The following SPAM1 variants were observed in gnomAD, a reference collection of about 807,000 sequenced individuals.
SPAM1 encodes hyaluronidase PH-20.
In SPAM1, 22 loss-of-function variants were observed where a neutral mutation model predicts 29.6. That is an observed-to-expected ratio of 0.74 (90% CI 0.53 to 1.06). The LOEUF (loss-of-function observed/expected upper bound fraction) is 1.06. Ranked by LOEUF, SPAM1 falls within the 50% of genes least tolerant of loss-of-function variation. The pLI, the probability that SPAM1 is intolerant of heterozygous loss-of-function variation, is 0.00. For synonymous variants in SPAM1, 194 were observed against 204.6 expected (o/e 0.95, Z 0.44); for missense variants, 534 against 604.0 (o/e 0.88, Z 1.21).
At chr7:123,937,918 G>C (rs1252447716) in intron 1 of SPAM1, among the ~76,000 whole-genome samples, 1 of 152,156 alleles carries the variant, frequency 6.6e-6, no homozygotes, top group Non-Finnish European at 1.5e-5. Context: ...CAGAAAAAAA[G>C]TCATTGTCAA....
chr7:123,926,838 G>A (rs1807902386), intron 1 of SPAM1, among the ~76,000 whole-genome samples: 1 of 152,290 alleles, frequency 6.6e-6, no homozygotes, highest in South Asian at 2.1e-4. Context: ...TTATTGTGCA[G>A]AGGAAGCTCT....
At chr7:123,958,251 G>A (rs1300673192) in intron 4 of SPAM1, among the ~76,000 whole-genome samples, 1 of 151,914 alleles carries the variant, frequency 6.6e-6, no homozygotes, top group Non-Finnish European at 1.5e-5. Context: ...TAAAGTATTA[G>A]CACAACCACC....
At chr7:123,928,450 C>A (rs1436557074) in intron 1 of SPAM1, among the ~76,000 whole-genome samples, 2 of 152,128 alleles carry the variant, frequency 1.3e-5, no homozygotes, top group Non-Finnish European at 2.9e-5. Context: ...ACATAACAAA[C>A]CTCTGCCTAA....
intron 1 of SPAM1, among the ~76,000 whole-genome samples, chr7:123,935,927 T>A (rs190563628): frequency 3.8e-4 from 58 of 152,312 alleles, no homozygotes; most frequent in African/African-American, 1.2e-3. Flanking sequence ...GGGTTTTTTT[T>A]AAAGGCTTAT....
At chr7:123,930,085 AT>A (rs1246857064) in intron 1 of SPAM1, among the ~76,000 whole-genome samples, 1 of 151,912 alleles carries the variant, frequency 6.6e-6, no homozygotes, top group Non-Finnish European at 1.5e-5. Context: ...GTAGATGTGG[AT>A]TTTTAACTTT....
At chr7:123,958,493 G>A (rs758622893) in intron 4 of SPAM1, among the ~76,000 whole-genome samples, 2 of 151,846 alleles carry the variant, frequency 1.3e-5, no homozygotes, top group Admixed American at 6.6e-5. Flanking sequence ...TAATGTATTC[G>A]AGCCAGCAAT....
chr7:123,949,065 C>T (rs1384187119), intron 1 of SPAM1, among the ~76,000 whole-genome samples: 2 of 150,344 alleles, frequency 1.3e-5, no homozygotes, highest in African/African-American at 4.9e-5. Flanking sequence ...CTTAAATATA[C>T]TCAGTAAAAT....
intron 2 of SPAM1, among the ~76,000 whole-genome samples, chr7:123,951,871 C>T (rs902140437): frequency 6.6e-6 from 1 of 152,150 alleles, no homozygotes; most frequent in Admixed American, 6.5e-5. Flanking sequence ...ATCCACCTGC[C>T]TTGGCCTTCC....
intron 1 of SPAM1, among the ~76,000 whole-genome samples, chr7:123,937,596 C>CAAAAA (rs5887154): frequency 7.0e-5 from 6 of 85,850 alleles, no homozygotes; most frequent in Non-Finnish European, 9.0e-5. Context: ...GACTCCATCT[C>CAAAAA]AAAAAAAAAA....
chr7:123,931,545 C>T (rs925105251), intron 1 of SPAM1, among the ~76,000 whole-genome samples: 3 of 152,138 alleles, frequency 2.0e-5, no homozygotes, highest in African/African-American at 7.2e-5. Flanking sequence ...CCTTTTTGTC[C>T]AGTCATATTT....
Position 123,954,158 on chromosome 7 carries a change from G to A in SPAM1, c.588G>A (p.Gly196=), listed in dbSNP as rs1300101956. 2.5e-6 allele frequency: 4 copies of A among 1,613,110 alleles called. No individual in the cohort carries two copies. Among genetic ancestry groups the A allele is most frequent in the Non-Finnish European group, 3.4e-6 (4 of 1,179,598 alleles). The change falls in exon 3 of 5, where the codon GGG becomes GGA. Residue 196 remains glycine (G), a synonymous_variant. Transcript: ENST00000682466. ...CAAAACAAGAATTTGAAAAGGCAGGGAAGGATTTCCTGGTAGAGACTATAA... is the reference window on the plus strand; with the variant it reads ...CAAAACAAGAATTTGAAAAGGCAGGAAAGGATTTCCTGGTAGAGACTATAA... ...EKAKQEFEKA[G]KDFLVETIKL...
chr7:123,959,508 T>A lies in SPAM1; in HGVS notation c.1069T>A (p.Tyr357Asn). 1 of 1,607,352 alleles carries A rather than the reference T, an allele frequency of 6.2e-7. No individual in the cohort carries two copies. The highest frequency in any genetic ancestry group is 1.7e-5 in the Admixed American group (1 of 59,088). ...GAAATCTTGCTTGCTCCTAGACAAT[T>A]ACATGGAGACTATACTGAATCCTTA... is the stretch of plus-strand genomic sequence containing the variant. ...SMKSCLLLDN[Y>N]METILNPYII... is the part of the protein sequence containing the mutation. The change falls in exon 5 of 5, where the codon TAC becomes AAC. Residue 357 changes from tyrosine (Y) to asparagine (N), a missense_variant. By Grantham distance (143) the Tyr-to-Asn change is moderately radical (BLOSUM62 -2). Coordinates refer to ENST00000682466, the MANE Select transcript of SPAM1 (RefSeq NM_153189.3).
At chr7:123,966,796 G>A (rs1409231636) in intron 5 of SPAM1, among the ~76,000 whole-genome samples, 5 of 151,868 alleles carry the variant, frequency 3.3e-5, no homozygotes, top group African/African-American at 1.2e-4. Context: ...AATAGCTAAT[G>A]GATGCTGGAC....
At chr7:123,931,606 TC>T (rs773619113) in intron 1 of SPAM1, among the ~76,000 whole-genome samples, 1 of 152,170 alleles carries the variant, frequency 6.6e-6, no homozygotes, top group Non-Finnish European at 1.5e-5. Flanking sequence ...ATAGACAATT[TC>T]CCCTCTGTCT....
At chr7:123,945,036 G>A (rs1808532970) in intron 1 of SPAM1, among the ~76,000 whole-genome samples, 1 of 151,668 alleles carries the variant, frequency 6.6e-6, no homozygotes, top group Admixed American at 6.6e-5. Context: ...GACTTACACA[G>A]ACATTGGGCA....
At chr7:123,965,198 T>C (rs1792407136) in intron 5 of SPAM1, among the ~76,000 whole-genome samples, 3 of 151,956 alleles carry the variant, frequency 2.0e-5, no homozygotes, top group South Asian at 2.1e-4. Context: ...TCCACCATTA[T>C]ACAATACTGC....
At chr7:123,966,243 T>G (rs763489270) in intron 5 of SPAM1, among the ~76,000 whole-genome samples, 1 of 152,022 alleles carries the variant, frequency 6.6e-6, no homozygotes, top group Admixed American at 6.6e-5. Context: ...CCAGTCAGAA[T>G]GGCAATTATT....
Position 123,954,083 on chromosome 7 carries a change from G to C in SPAM1, c.513G>C (p.Leu171Phe). The change falls in exon 3 of 5, where the codon TTG becomes TTC. Residue 171 changes from leucine to phenylalanine, a missense_variant. By Grantham distance (22) the Leu-to-Phe change is conservative (BLOSUM62 0). Transcript: ENST00000682466. The stretch of plus-strand genomic sequence containing the variant: ...TTTACAAGAATAGGTCTATTGAATT[G>C]GTTCAGCAACAAAATGTACAACTTA... Reference protein sequence around the residue: ...KDVYKNRSIELVQQQNVQLSL... With the variant: ...KDVYKNRSIEFVQQQNVQLSL... The C allele has an allele frequency of 1.2e-6, 2 of 1,613,166 alleles. No homozygotes were observed. The highest frequency in any genetic ancestry group is 1.7e-6 in the Non-Finnish European group (2 of 1,179,650).
At chr7:123,961,060 A>G (rs1325176683), downstream of SPAM1, among the ~76,000 whole-genome samples, 2 of 151,876 alleles carry the variant, frequency 1.3e-5, no homozygotes, top group Non-Finnish European at 2.9e-5. Flanking sequence ...GTTGACATGT[A>G]CTAATTGTAC....
Sources: gnomAD v4.1 joint callset for allele counts (sites outside exome capture counted in the v4.1 genomes callset) on GRCh38, gnomAD v4.1.1 for gene constraint, MANE v1.5 for transcripts, NCBI Gene and HGNC (gene_info 2026-07-23, HGNC 2026-07-21) for gene names.